RASA1: variants seen among roughly 807,000 people sequenced by gnomAD.
RASA1 encodes RAS p21 protein activator 1, also known as ras GTPase-activating protein 1.
A neutral mutation model predicts 132.2 loss-of-function variants in RASA1; 25 were observed. That is an observed-to-expected ratio of 0.19 (90% CI 0.14 to 0.26). The LOEUF is 0.26. Among genes scored for constraint, RASA1 ranks in the 10% least tolerant of loss-of-function variants. The pLI is 1.00. For missense variants in RASA1, 964 were observed against 1,299.2 expected (o/e 0.74, Z 3.97); for synonymous variants, 477 against 449.9 (o/e 1.06, Z -0.76).
chr5:87,339,474 G>C (rs1472322575), intron 5 of RASA1, among the ~76,000 whole-genome samples: 2 of 152,010 alleles, frequency 1.3e-5, no homozygotes, highest in Admixed American at 6.6e-5. Flanking sequence ...TTTTAGTTTG[G>C]GTTTCCCTCT....
intron 1 of RASA1, among the ~76,000 whole-genome samples, chr5:87,288,145 C>CAT (rs1342555155): frequency 4.3e-5 from 6 of 138,846 alleles, no homozygotes; most frequent in Middle Eastern, 4.1e-3. Flanking sequence ...ATATACACAC[C>CAT]ATATATATAT....
intron 1 of RASA1, among the ~76,000 whole-genome samples, chr5:87,311,480 C>CA (rs1755907723): frequency 6.6e-6 from 1 of 152,168 alleles, no homozygotes; most frequent in Non-Finnish European, 1.5e-5. Flanking sequence ...GTTATACTCA[C>CA]AGTAATAATA....
At chr5:87,284,319 T>C (rs1421351912) in intron 1 of RASA1, among the ~76,000 whole-genome samples, 4 of 152,208 alleles carry the variant, frequency 2.6e-5, no homozygotes, top group Admixed American at 2.0e-4. Context: ...CTTAAGTGAC[T>C]ATAGGTTGCT....
At chr5:87,337,903 T>C in intron 4 of RASA1, 71 bp from the exon 5 acceptor site, 1 of 1,431,004 alleles carries the variant, frequency 7.0e-7, no homozygotes, top group South Asian at 1.4e-5. Flanking sequence ...TCCTATTTTG[T>C]GGTATATGAC....
intron 1 of RASA1, among the ~76,000 whole-genome samples, chr5:87,329,431 G>C (rs528786216): frequency 1.6e-4 from 24 of 152,186 alleles, no homozygotes; most frequent in Non-Finnish European, 3.1e-4. Flanking sequence ...GACAGAGTGA[G>C]ACTCCCGTCT....
chr5:87,340,663 T>C (rs1461389685), intron 5 of RASA1, among the ~76,000 whole-genome samples: 1 of 152,072 alleles, frequency 6.6e-6, no homozygotes, highest in South Asian at 2.1e-4. Context: ...AAAGTAGAAG[T>C]TGATGTTCAC....
chr5:87,374,147 A>AT lies in RASA1; in HGVS notation c.1777-3dup, dbSNP rs377722838. On this transcript the variant is annotated splice_polypyrimidine_tract_variant and intron_variant, in intron 13 of 24. Coordinates refer to ENST00000274376, the MANE Select transcript of RASA1 (RefSeq NM_002890.3). The stretch of plus-strand genomic sequence containing the variant: ...AATCTGGGGTAATATATATATATAT[A>AT]TTTTTTTTTTTTTAGGTCAGCAGCC... 9.3e-3 allele frequency: 8,935 copies of AT among 963,588 alleles called. 1 individual carries two copies. Among genetic ancestry groups the AT allele is most frequent in the East Asian group, 0.03 (737 of 24,904 alleles). The allele number at this position is 963,588 out of a possible 1,614,324, so 59.7% of individuals were successfully genotyped here.
chr5:87,308,848 A>C (rs909538213), intron 1 of RASA1, among the ~76,000 whole-genome samples: 12 of 152,148 alleles, frequency 7.9e-5, no homozygotes, highest in African/African-American at 2.9e-4. Flanking sequence ...CCTAGAAACA[A>C]TATGCTATAC....
chr5:87,386,386 A>G (rs1354490739), intron 22 of RASA1, among the ~76,000 whole-genome samples: 1 of 152,020 alleles, frequency 6.6e-6, no homozygotes, highest in Admixed American at 6.6e-5. Context: ...TACAAATAAG[A>G]TATTTTCCTA....
intron 1 of RASA1, among the ~76,000 whole-genome samples, chr5:87,329,247 C>T (rs1757441441): frequency 6.6e-6 from 1 of 150,800 alleles, no homozygotes; most frequent in Non-Finnish European, 1.5e-5. Context: ...GAATTTGAGA[C>T]CAGCCTGGGT....
At chr5:87,299,316 T>G (rs950748274) in intron 1 of RASA1, among the ~76,000 whole-genome samples, 1 of 152,208 alleles carries the variant, frequency 6.6e-6, no homozygotes, top group Non-Finnish European at 1.5e-5. Flanking sequence ...AGAACCCAAG[T>G]TTAGCCTTTG....
chr5:87,351,413 TG>T (rs968766255), intron 8 of RASA1, among the ~76,000 whole-genome samples: 18 of 151,718 alleles, frequency 1.2e-4, no homozygotes, highest in African/African-American at 3.9e-4. Context: ...GAGAGTTCAG[TG>T]GGGGGTGAGA....
intron 6 of RASA1, among the ~76,000 whole-genome samples, chr5:87,345,356 T>G (rs1166853963): frequency 6.6e-6 from 1 of 152,172 alleles, no homozygotes; most frequent in African/African-American, 2.4e-5. Flanking sequence ...TTACCCTTCT[T>G]TTTTTGAATT....
intron 5 of RASA1, among the ~76,000 whole-genome samples, chr5:87,338,881 G>T (rs765943319): frequency 6.6e-6 from 1 of 151,602 alleles, no homozygotes; most frequent in South Asian, 2.1e-4. Flanking sequence ...TTTGAATCTC[G>T]TCCTTGTTTT....
chr5:87,349,142 T>C, intron 7 of RASA1, 72 bp from the exon 8 acceptor site: 2 of 1,548,722 alleles, frequency 1.3e-6, no homozygotes, highest in East Asian at 4.5e-5. Context: ...ATGCACTTTG[T>C]AATAATACTA....
At chr5:87,377,761 A>C (rs1175411693) in intron 17 of RASA1, among the ~76,000 whole-genome samples, 2 of 152,264 alleles carry the variant, frequency 1.3e-5, no homozygotes, top group African/African-American at 4.8e-5. Flanking sequence ...CCCCTGGCCC[A>C]CACACACCAC....
At chr5:87,333,946 G>A (rs1757772717) in intron 4 of RASA1, among the ~76,000 whole-genome samples, 1 of 151,996 alleles carries the variant, frequency 6.6e-6, no homozygotes, top group Admixed American at 6.5e-5. Context: ...TGAAGAACAG[G>A]GATGAATTAC....
At position 87,372,021 on chromosome 5, in the gene RASA1, GA is replaced by G. The variant is rs1760983868; in HGVS notation, c.1699-91del. On this transcript the variant is annotated intron_variant, in intron 12 of 24. Transcript: ENST00000274376. ...GAATAGAAATGGCAGTCTAGAGAAG[GA>G]AAAAATTGTTGAATTTGAAAAAAAA... 1.6e-5 allele frequency: 16 copies of G among 971,970 alleles called. No homozygotes were observed. In the East Asian group the frequency reaches 4.2e-4, roughly 26 times the overall value. 60.2% of individuals were successfully genotyped at this position (971,970 alleles called of 1,614,324 possible).
chr5:87,304,126 C>T (rs1365870083), intron 1 of RASA1, among the ~76,000 whole-genome samples: 3 of 152,002 alleles, frequency 2.0e-5, no homozygotes, highest in African/African-American at 4.8e-5. Flanking sequence ...TGAGCCACTG[C>T]GCCCAGCTGA....
Sources: gnomAD v4.1 joint callset for allele counts (sites outside exome capture counted in the v4.1 genomes callset) on GRCh38, gnomAD v4.1.1 for gene constraint, MANE v1.5 for transcripts, NCBI Gene and HGNC (gene_info 2026-07-23, HGNC 2026-07-21) for gene names.